AFF1: variants seen among roughly 807,000 people sequenced by gnomAD.
AFF1 encodes AF4/FMR2 family member 1.
AFF1 carries 48 observed loss-of-function variants against 121.7 expected under a neutral mutation model. The ratio of observed to expected loss-of-function variants is 0.39; its 90% CI spans 0.31 to 0.50. AFF1 has a LOEUF of 0.50. Among genes scored for constraint, AFF1 ranks in the 20% least tolerant of loss-of-function variants. AFF1 has a pLI of 0.76. For synonymous variants in AFF1, 613 were observed against 563.0 expected (o/e 1.09, Z -1.26); for missense variants, 1,523 against 1,511.7 (o/e 1.01, Z -0.12).
At chr4:86,968,893 A>G (rs1263657935) in intron 2 of AFF1, among the ~76,000 whole-genome samples, 3 of 152,160 alleles carry the variant, frequency 2.0e-5, no homozygotes, top group Non-Finnish European at 4.4e-5. Flanking sequence ...TTCATAAGGG[A>G]AAAAAGGAGC....
At chr4:87,000,417 T>C (rs1725598460) in intron 2 of AFF1, among the ~76,000 whole-genome samples, 1 of 152,176 alleles carries the variant, frequency 6.6e-6, no homozygotes, top group African/African-American at 2.4e-5. Flanking sequence ...GAAAAAGTGG[T>C]AAAATCAAAA....
At chr4:87,121,511 A>G (rs1016439915) in intron 12 of AFF1, among the ~76,000 whole-genome samples, 2 of 152,204 alleles carry the variant, frequency 1.3e-5, no homozygotes, top group African/African-American at 4.8e-5. Flanking sequence ...ACAAATACCG[A>G]GTGCCTACTC....
chr4:86,939,477 A>G (rs1303782655), intron 1 of AFF1, among the ~76,000 whole-genome samples: 1 of 152,220 alleles, frequency 6.6e-6, no homozygotes, highest in Non-Finnish European at 1.5e-5. Context: ...GATTTTGAAC[A>G]TTTGTGCCTC....
chr4:86,941,961 A>G (rs984134405), intron 1 of AFF1, among the ~76,000 whole-genome samples: 6 of 149,248 alleles, frequency 4.0e-5, no homozygotes, highest in East Asian at 2.0e-4. Flanking sequence ...TTTTTTCCTT[A>G]TAAATTGGAG....
intron 1 of AFF1, among the ~76,000 whole-genome samples, chr4:86,946,866 C>T (rs1720903913): frequency 1.3e-5 from 2 of 152,098 alleles, no homozygotes; most frequent in South Asian, 4.1e-4. Context: ...GGGGTGGGTG[C>T]TATTGGGTTG....
At chr4:86,960,923 A>C (rs1722100528) in intron 2 of AFF1, among the ~76,000 whole-genome samples, 2 of 152,168 alleles carry the variant, frequency 1.3e-5, no homozygotes, top group African/African-American at 2.4e-5. Flanking sequence ...CTGACTTTCC[A>C]CATGTTTAGT....
chr4:87,124,296 C>CT (rs1728003049), intron 12 of AFF1, among the ~76,000 whole-genome samples: 1 of 152,072 alleles, frequency 6.6e-6, no homozygotes, highest in African/African-American at 2.4e-5. Context: ...GACAGATTCC[C>CT]TTTTCCTTAC....
intron 4 of AFF1, among the ~76,000 whole-genome samples, chr4:87,069,445 C>T (rs564238438): frequency 3.3e-5 from 5 of 149,360 alleles, no homozygotes; most frequent in African/African-American, 5.0e-5. Flanking sequence ...CTCTCTCTCC[C>T]TATCCTCTTC....
intron 4 of AFF1, among the ~76,000 whole-genome samples, chr4:87,073,257 T>G (rs1722281437): frequency 1.6e-5 from 2 of 123,528 alleles, no homozygotes; most frequent in African/African-American, 3.2e-5. Context: ...TTAACCTGAT[T>G]GCTCATTACC....
At chr4:87,049,105 GGGA>G (rs1194139148) in intron 4 of AFF1, among the ~76,000 whole-genome samples, 2 of 143,200 alleles carry the variant, frequency 1.4e-5, no homozygotes, top group African/African-American at 5.1e-5. Context: ...AGGGGGGGGG[GGGA>G]CAACTTAACA....
At chr4:86,954,658 G>T (rs573921659) in intron 2 of AFF1, among the ~76,000 whole-genome samples, 65 of 152,250 alleles carry the variant, frequency 4.3e-4, no homozygotes, top group African/African-American at 1.4e-3. Flanking sequence ...GAGCCTGGAA[G>T]GTCAAGGCTG....
At position 86,997,712 on chromosome 4, in the gene AFF1, A is replaced by G. The variant is rs189424424; in HGVS notation, c.39-48454A>G. ...TGGGGGCAGAGCTTGCAGTGAGCCA[A>G]GATTGTGCCACTGCGCTTCAGCCTG... On this transcript the variant is annotated intron_variant, in intron 2 of 20. Coordinates refer to ENST00000395146, the MANE Select transcript of AFF1 (RefSeq NM_001166693.3). 1.1e-3 allele frequency among the ~76,000 whole-genome samples: 174 copies of G among 151,720 alleles called. 1 individual carries two copies. The highest frequency in any genetic ancestry group is 1.9e-3 in the Non-Finnish European group (129 of 67,922).
chr4:86,977,705 G>A (rs984330388), intron 2 of AFF1, among the ~76,000 whole-genome samples: 1 of 152,164 alleles, frequency 6.6e-6, no homozygotes, highest in African/African-American at 2.4e-5. Flanking sequence ...AGGACTATGT[G>A]TTACTCATCT....
rs1465412055 is a variant in AFF1, at chr4:87,135,735, T to A, written c.*34T>A. 3 of 1,597,484 alleles carry A rather than the reference T, an allele frequency of 1.9e-6. No homozygotes were observed. The African/African-American group carries it at 4.0e-5, about 21-fold the overall frequency. On this transcript the variant is annotated 3_prime_UTR_variant, in exon 21 of 21. Coordinates refer to ENST00000395146, the MANE Select transcript of AFF1 (RefSeq NM_001166693.3). Reference sequence around the variant, plus strand: ...CAGGTTGATTCAATGCCTTGGGAACTATTTTTGCACATTGGAAGCCTCAAA... The same window carrying A: ...CAGGTTGATTCAATGCCTTGGGAACAATTTTTGCACATTGGAAGCCTCAAA...
chr4:87,133,857 A>G (rs1293757996), intron 19 of AFF1, among the ~76,000 whole-genome samples: 5 of 152,236 alleles, frequency 3.3e-5, no homozygotes, highest in Admixed American at 3.3e-4. Context: ...TGGAGTAAAG[A>G]GGAGATAGAG....
chr4:87,034,636 T>G (rs952622463), intron 2 of AFF1, among the ~76,000 whole-genome samples: 1 of 152,220 alleles, frequency 6.6e-6, no homozygotes, highest in African/African-American at 2.4e-5. Context: ...TATGACTAAT[T>G]AATAAGTATG....
chr4:87,056,374 G>A (rs559544318), intron 4 of AFF1, among the ~76,000 whole-genome samples: 2 of 152,172 alleles, frequency 1.3e-5, no homozygotes, highest in East Asian at 1.9e-4. Context: ...ATATTTCTTC[G>A]AGGTATTCTT....
intron 2 of AFF1, among the ~76,000 whole-genome samples, chr4:86,998,396 GT>G (rs1725413395): frequency 6.6e-6 from 1 of 152,126 alleles, no homozygotes; most frequent in Non-Finnish European, 1.5e-5. Context: ...TAGTTGTTTT[GT>G]TTTTAGAATA....
intron 16 of AFF1, among the ~76,000 whole-genome samples, chr4:87,129,066 T>C (rs1055051410): frequency 6.6e-6 from 1 of 152,230 alleles, no homozygotes; most frequent in Non-Finnish European, 1.5e-5. Flanking sequence ...TATGCATACA[T>C]TCTTTCTCCT....
Sources: allele counts gnomAD v4.1 joint callset (sites outside exome capture counted in the v4.1 genomes callset), GRCh38; gene constraint gnomAD v4.1.1; transcripts MANE v1.5; gene names NCBI Gene and HGNC (gene_info 2026-07-23, HGNC 2026-07-21).